The following WDR33 variants were observed in gnomAD, a reference collection of about 807,000 sequenced individuals.
WDR33 encodes the protein WD repeat domain 33.
In WDR33, 47 loss-of-function variants were observed where a neutral mutation model predicts 164.9. That is an observed-to-expected ratio of 0.29 (90% confidence interval 0.23 to 0.36). The LOEUF is 0.36. Among genes scored for constraint, WDR33 ranks in the 10% least tolerant of loss-of-function variants. The pLI is 1.00. For synonymous variants in WDR33, 505 were observed against 589.0 expected (o/e 0.86, Z 2.06); for missense variants, 1,137 against 1,754.1 (o/e 0.65, Z 6.28).
At chr2:127,774,764 A>T (rs868167074) in intron 1 of WDR33, among the ~76,000 whole-genome samples, 9 of 152,146 alleles carry the variant, frequency 5.9e-5, no homozygotes, top group Middle Eastern at 3.4e-3. Flanking sequence ...CGGGAGGCGG[A>T]GCTTGCAGTG....
intron 1 of WDR33, among the ~76,000 whole-genome samples, chr2:127,793,084 A>T (rs967206175): frequency 2.0e-5 from 3 of 152,186 alleles, no homozygotes; most frequent in Admixed American, 2.0e-4. Flanking sequence ...CTATCCCCCA[A>T]GATAAATTAA....
chr2:127,752,248 TA>T (rs1262389694), intron 7 of WDR33, among the ~76,000 whole-genome samples: 2 of 152,172 alleles, frequency 1.3e-5, no homozygotes, highest in Non-Finnish European at 2.9e-5. Flanking sequence ...GTCAGCAGGA[TA>T]AAACCTGTTC....
At chr2:127,801,273 A>G (rs575748464) in intron 1 of WDR33, among the ~76,000 whole-genome samples, 6 of 152,060 alleles carry the variant, frequency 3.9e-5, no homozygotes, top group Non-Finnish European at 8.8e-5. Flanking sequence ...ACAGAAGGAG[A>G]CCTTTTCTCA....
intron 1 of WDR33, among the ~76,000 whole-genome samples, chr2:127,772,435 T>G (rs566755086): frequency 1.8e-4 from 26 of 144,448 alleles, no homozygotes; most frequent in Non-Finnish European, 3.4e-4. Context: ...CAAGACTGTC[T>G]TAAAAAAAAA....
Position 127,709,894 on chromosome 2 carries a change from A to C in WDR33, c.3309-38T>G, listed in dbSNP as rs767848165. 6 of 1,600,470 alleles carry C rather than the reference A, an allele frequency of 3.7e-6. No individual in the cohort carries two copies. The highest frequency in any genetic ancestry group is 5.1e-6 in the Non-Finnish European group (6 of 1,173,714). On this transcript the variant is annotated intron_variant, in intron 18 of 21. Transcript: ENST00000322313. The surrounding 1 kb of genome is among the most constrained non-coding windows in gnomAD (Gnocchi z 5.0). ...AACAGCAGAATGTCCATCTCAGAGAACACCTTGCCACTCTAAGTTCATGTT... is the reference window on the plus strand; with the variant it reads ...AACAGCAGAATGTCCATCTCAGAGACCACCTTGCCACTCTAAGTTCATGTT...
Position 127,703,783 on chromosome 2 carries a change from A to G in WDR33, c.*2540T>C, listed in dbSNP as rs1685949600. ...AGAACTTGCAATAGTTGGGGGTTTT[A>G]TAATGATGTTTTACAATGTTTATTT... is the stretch of plus-strand genomic sequence containing the variant. On this transcript the variant is annotated 3_prime_UTR_variant, in exon 22 of 22. Coordinates refer to ENST00000322313, the MANE Select transcript of WDR33 (RefSeq NM_018383.5). 1 of 167,058 alleles carries G rather than the reference A, an allele frequency of 6.0e-6. No individual in the cohort carries two copies. 10.3% of individuals were successfully genotyped at this position (167,058 alleles called of 1,614,324 possible).
chr2:127,794,984 G>A (rs1350652711), intron 1 of WDR33, among the ~76,000 whole-genome samples: 1 of 151,706 alleles, frequency 6.6e-6, no homozygotes, highest in Non-Finnish European at 1.5e-5. Context: ...ATAAGACCCT[G>A]GTGTCAAAAC....
chr2:127,802,920 A>T (rs1689304052), intron 1 of WDR33, among the ~76,000 whole-genome samples: 1 of 152,072 alleles, frequency 6.6e-6, no homozygotes, highest in Non-Finnish European at 1.5e-5. Flanking sequence ...GGTTGAGGCT[A>T]CAGGGAGCCA....
chr2:127,752,592 G>A (rs1217642433), intron 7 of WDR33, among the ~76,000 whole-genome samples: 6 of 90,474 alleles, frequency 6.6e-5, no homozygotes, highest in Admixed American at 1.5e-4. Flanking sequence ...GCGAGACTCC[G>A]TCTCAAAAAA....
At chr2:127,746,591 G>A (rs2105409020) in intron 7 of WDR33, among the ~76,000 whole-genome samples, 1 of 152,320 alleles carries the variant, frequency 6.6e-6, no homozygotes, top group East Asian at 1.9e-4. Flanking sequence ...GACGAGGAGA[G>A]GCAAGCTGAG....
At chr2:127,786,657 C>A (rs931301838) in intron 1 of WDR33, among the ~76,000 whole-genome samples, 3 of 152,088 alleles carry the variant, frequency 2.0e-5, no homozygotes, top group African/African-American at 7.2e-5. Context: ...GCACTCCAGC[C>A]TGGGCAAAAC....
At chr2:127,805,987 CCT>C (rs1310850059) in intron 1 of WDR33, among the ~76,000 whole-genome samples, 1 of 150,952 alleles carries the variant, frequency 6.6e-6, no homozygotes, top group Non-Finnish European at 1.5e-5. Flanking sequence ...GTGGCTCACA[CCT>C]GTAATCCTAG....
chr2:127,737,824 T>A, intron 7 of WDR33: 3 of 1,358,404 alleles, frequency 2.2e-6, no homozygotes, highest in Non-Finnish European at 2.8e-6. Flanking sequence ...CACTTCTTTT[T>A]AATTGAGAAT....
Position 127,726,770 on chromosome 2 carries a change from A to G in WDR33, c.732T>C (p.Gly244=). The G allele has an allele frequency of 6.2e-7, 1 of 1,614,070 alleles. No homozygotes were observed. Among genetic ancestry groups the G allele is most frequent in the Non-Finnish European group, 8.5e-7 (1 of 1,179,992 alleles). Residue 244 remains glycine, a synonymous_variant, in exon 8 of 22, where the codon GGT becomes GGC. Coordinates refer to ENST00000322313, the MANE Select transcript of WDR33 (RefSeq NM_018383.5). The surrounding 1 kb of genome is among the most constrained non-coding windows in gnomAD (Gnocchi z 4.8). ...GCCAGTCTACACATTTCACATCAGC[A>G]CCATGCCCTGTCGGAAACAAGTTAG... is the stretch of plus-strand genomic sequence containing the variant. ...CHEERILRGH[G]ADVKCVDWHP... is the part of the protein sequence containing the mutation.
intron 18 of WDR33, among the ~76,000 whole-genome samples, chr2:127,711,780 A>ATATTTTTTTTT: frequency 2.3e-5 from 2 of 88,320 alleles, no homozygotes; most frequent in African/African-American, 1.3e-4. Flanking sequence ...ATATATATAT[A>ATATTTTTTTTT]TTTTTTTTTT....
intron 1 of WDR33, among the ~76,000 whole-genome samples, chr2:127,788,627 G>A (rs1189642840): frequency 1.4e-5 from 2 of 144,974 alleles, no homozygotes; most frequent in African/African-American, 5.2e-5. Flanking sequence ...CCTCCCGGAC[G>A]GGGCGGCTGG....
chr2:127,764,300 T>C lies in WDR33; in HGVS notation c.626+528A>G. On this transcript the variant is annotated intron_variant, in intron 6 of 21. Transcript: ENST00000322313. This position sits in a 1 kb window ranked among gnomAD's most constrained non-coding sequence, Gnocchi z 6.2. ...CTGCAAAGCTTGAAGAACCCATTCA[T>C]TACTCCGTTAATGTTTGCCACATCC... is the stretch of plus-strand genomic sequence containing the variant. 7.7e-7 allele frequency: 1 copy of C among 1,303,464 alleles called. No individual in the cohort carries two copies. The highest frequency in any genetic ancestry group is 9.8e-7 in the Non-Finnish European group (1 of 1,025,574). 80.7% of individuals were successfully genotyped at this position (1,303,464 alleles called of 1,614,324 possible). A position where few individuals can be genotyped will look rare whatever the true frequency, so the allele number is the denominator to read the frequency against.
At chr2:127,793,434 G>GA (rs1202292564) in intron 1 of WDR33, among the ~76,000 whole-genome samples, 1 of 147,560 alleles carries the variant, frequency 6.8e-6, no homozygotes, top group East Asian at 2.0e-4. Flanking sequence ...CTGTCTCAAG[G>GA]AAAAAAAACA....
chr2:127,778,526 C>G (rs1397322087), intron 1 of WDR33, among the ~76,000 whole-genome samples: 1 of 151,838 alleles, frequency 6.6e-6, no homozygotes, highest in African/African-American at 2.4e-5. Flanking sequence ...CACACACACA[C>G]ACACACATTC....
Sources: allele counts gnomAD v4.1 joint callset (sites outside exome capture counted in the v4.1 genomes callset), GRCh38; gene constraint gnomAD v4.1.1; non-coding constraint Gnocchi (gnomAD v3.1); transcripts MANE v1.5; gene names NCBI Gene and HGNC (gene_info 2026-07-23, HGNC 2026-07-21).